NAV2: variants seen among roughly 807,000 people sequenced by gnomAD.
NAV2 encodes helicase, APC down-regulated 1.
NAV2 carries 54 observed loss-of-function variants against 223.2 expected under a neutral mutation model. The ratio of observed to expected loss-of-function variants is 0.24; its 90% CI spans 0.19 to 0.30. NAV2 has a LOEUF of 0.30. Ranked by LOEUF, NAV2 falls within the 10% of genes least tolerant of loss-of-function variation. The pLI is 1.00. For missense variants in NAV2, 2,806 were observed against 3,147.5 expected, an observed-to-expected ratio of 0.89 and a Z score of 2.60; for synonymous variants, 1,279 against 1,239.3, an observed-to-expected ratio of 1.03 and a Z score of -0.67.
rs1173327700 is a variant in NAV2 at position 19,414,846 on chromosome 11, C to G, written c.75+63819C>G. On this transcript the variant is annotated intron_variant, in intron 1 of 37. Coordinates refer to the NAV2 transcript ENST00000360655. ...TGAACAACCTGCTCCTGAATGACTA[C>G]TGGGTAAATAATGAAGTTAAGGCAG... is the stretch of plus-strand genomic sequence containing the variant. Among the ~76,000 whole-genome samples, 5 of 152,278 alleles carry G rather than the reference C, an allele frequency of 3.3e-5. No individual in the cohort carries two copies. The East Asian group carries it at 7.7e-4, about 24-fold the overall frequency.
chr11:19,585,287 T>C (rs1590609453), intron 1 of NAV2, among the ~76,000 whole-genome samples: 1 of 152,202 alleles, frequency 6.6e-6, no homozygotes, highest in Admixed American at 6.5e-5. Context: ...ACCCGTGAGA[T>C]GGGTTTCCTG....
At chr11:19,971,226 T>C (rs2049211648) in intron 10 of NAV2, among the ~76,000 whole-genome samples, 1 of 152,040 alleles carries the variant, frequency 6.6e-6, no homozygotes, top group Non-Finnish European at 1.5e-5. Flanking sequence ...AAAGGGCATT[T>C]TTCCATTGCT....
In NAV2 at chr11:19,782,672, TG is replaced by T. The variant is rs774899873; in HGVS notation, c.268-49809del. 3.3e-5 allele frequency among the ~76,000 whole-genome samples: 5 copies of T among 151,746 alleles called. No individual in the cohort carries two copies. The South Asian group carries it at 1.1e-3, about 32-fold the overall frequency. The stretch of plus-strand genomic sequence containing the variant: ...CAGCTGCCAGCCCAGAGATCTGGGC[TG>T]GGTGACCCAGGTGCTGTTCCCAAGG... On this transcript the variant is annotated intron_variant, in intron 1 of 37. Transcript: ENST00000349880.
Position 19,907,734 on chromosome 11 carries a change from A to G in NAV2, c.931+15140A>G, listed in dbSNP as rs373817950. Among the ~76,000 whole-genome samples, 115 of 152,334 alleles carry G rather than the reference A, an allele frequency of 7.5e-4. 2 individuals are homozygous for G. The South Asian group carries it at 0.023, about 30-fold the overall frequency. ...AAGTCAGAATTGATTATTTTTCCAC[A>G]GTGTTTTGGAACAAAGTACTCTGAT... On this transcript the variant is annotated intron_variant, in intron 6 of 37. Coordinates refer to ENST00000349880, the MANE Select transcript of NAV2 (RefSeq NM_145117.5).
chr11:19,757,317 G>A (rs2054312781), intron 1 of NAV2, among the ~76,000 whole-genome samples: 1 of 152,058 alleles, frequency 6.6e-6, no homozygotes, highest in African/African-American at 2.4e-5. Context: ...TGGAGGCCTA[G>A]GGCTCCTGTT....
intron 10 of NAV2, among the ~76,000 whole-genome samples, chr11:19,962,709 A>G (rs2048437787): frequency 6.6e-6 from 1 of 152,200 alleles, no homozygotes; most frequent in Non-Finnish European, 1.5e-5. Context: ...AGAGTGAGAC[A>G]GACACACTGG....
At chr11:19,405,820 C>T (rs535537498) in intron 1 of NAV2, among the ~76,000 whole-genome samples, 1 of 152,212 alleles carries the variant, frequency 6.6e-6, no homozygotes, top group Admixed American at 6.5e-5. Flanking sequence ...CTCATTTTCT[C>T]TCTTCTTATT....
chr11:20,066,570 C>T (rs907435573), intron 20 of NAV2, among the ~76,000 whole-genome samples: 7 of 152,068 alleles, frequency 4.6e-5, no homozygotes, highest in Admixed American at 4.6e-4. Context: ...GACTTGTGGG[C>T]AGGATCAGGA....
intron 1 of NAV2, among the ~76,000 whole-genome samples, chr11:19,498,115 G>T (rs2042855858): frequency 6.6e-6 from 1 of 152,210 alleles, no homozygotes; most frequent in Non-Finnish European, 1.5e-5. Flanking sequence ...CAGACTCCAG[G>T]CTCTGAGCAC....
At chr11:20,103,134 G>T (rs149194389) in intron 32 of NAV2, 121 bp from the exon 33 acceptor site, 11 of 918,104 alleles carry the variant, frequency 1.2e-5, no homozygotes, top group Admixed American at 7.7e-5. Flanking sequence ...TGTTTACAGC[G>T]CAGAATCATG....
At chr11:19,445,113 G>T (rs1438070226) in intron 1 of NAV2, among the ~76,000 whole-genome samples, 2 of 152,280 alleles carry the variant, frequency 1.3e-5, no homozygotes, top group South Asian at 4.2e-4. Flanking sequence ...CTGTGGTCTG[G>T]TCCTGGGGTT....
upstream of NAV2, among the ~76,000 whole-genome samples, chr11:19,708,231 G>A (rs1271915056): frequency 6.6e-6 from 1 of 152,108 alleles, no homozygotes; most frequent in Non-Finnish European, 1.5e-5. Flanking sequence ...GTATGAGATG[G>A]GTGGCCTCTC....
chr11:19,655,958 C>T (rs1424921472), intron 1 of NAV2, among the ~76,000 whole-genome samples: 1 of 152,104 alleles, frequency 6.6e-6, no homozygotes, highest in Non-Finnish European at 1.5e-5. Context: ...CACACTCCTC[C>T]AAGCCACTGG....
intron 1 of NAV2, among the ~76,000 whole-genome samples, chr11:19,572,771 A>G (rs780822862): frequency 6.6e-6 from 1 of 152,246 alleles, no homozygotes; most frequent in African/African-American, 2.4e-5. Flanking sequence ...AATGGGAATC[A>G]TAATGGTGTA....
At chr11:20,004,756 C>T (rs1048532667) in intron 11 of NAV2, among the ~76,000 whole-genome samples, 7 of 152,180 alleles carry the variant, frequency 4.6e-5, no homozygotes, top group Non-Finnish European at 8.8e-5. Context: ...GTTGTTGTTC[C>T]AGACACCACC....
intron 10 of NAV2, among the ~76,000 whole-genome samples, chr11:19,982,296 C>T (rs2050371229): frequency 6.6e-6 from 1 of 151,148 alleles, no homozygotes; most frequent in Non-Finnish European, 1.5e-5. Context: ...GAGACGGAAT[C>T]TCACTCTGTC....
chr11:19,441,360 G>A (rs1851393777), intron 1 of NAV2, among the ~76,000 whole-genome samples: 1 of 152,088 alleles, frequency 6.6e-6, no homozygotes, highest in Non-Finnish European at 1.5e-5. Context: ...AAACATGAGA[G>A]ATATGTGATC....
At chr11:19,587,812 C>A (rs1344787039) in intron 1 of NAV2, among the ~76,000 whole-genome samples, 1 of 152,184 alleles carries the variant, frequency 6.6e-6, no homozygotes, top group African/African-American at 2.4e-5. Context: ...TATAAAGGCA[C>A]CAACACAATA....
At position 20,101,152 on chromosome 11, in the gene NAV2, G is replaced by A. The variant is rs772454461; in HGVS notation, c.6397G>A (p.Val2133Met). ...LTDGVIATFN[V>M]DHKSSKELRQ... ...AGACGGGGTTATCGCCACCTTTAACGTGGACCATAAGTCCAGCAAGGTGAG... is the reference window on the plus strand; with the variant it reads ...AGACGGGGTTATCGCCACCTTTAACATGGACCATAAGTCCAGCAAGGTGAG... Residue 2133 changes from valine to methionine, a missense_variant, in exon 32 of 38, where the codon GTG becomes ATG. Val to Met is a conservative substitution (Grantham distance 21, BLOSUM62 1). Transcript: ENST00000349880. 78 of 1,613,314 alleles carry A rather than the reference G, an allele frequency of 4.8e-5. No homozygotes were observed. The highest frequency in any genetic ancestry group is 2.2e-4 in the South Asian group (20 of 91,066).
Sources: gnomAD v4.1 joint callset for allele counts (sites outside exome capture counted in the v4.1 genomes callset) on GRCh38, gnomAD v4.1.1 for gene constraint, MANE v1.5 for transcripts, NCBI Gene and HGNC (gene_info 2026-07-23, HGNC 2026-07-21) for gene names.